The following ASIC2 variants were observed in gnomAD, a reference collection of about 807,000 sequenced individuals.
ASIC2 encodes the protein acid sensing ion channel subunit 2.
In ASIC2, 25 loss-of-function variants were observed where a neutral mutation model predicts 57.3. The ratio of observed to expected loss-of-function variants is 0.44; its 90% CI spans 0.32 to 0.61. ASIC2 has a LOEUF of 0.61. Among genes scored for constraint, ASIC2 ranks in the 20% least tolerant of loss-of-function variants. The pLI, the probability that ASIC2 is intolerant of heterozygous loss-of-function variation, is 0.06. For missense variants in ASIC2, 641 were observed against 738.1 expected (o/e 0.87, Z 1.52); for synonymous variants, 319 against 307.5 (o/e 1.04, Z -0.39).
chr17:33,709,293 G>A (rs1208427469), intron 1 of ASIC2, among the ~76,000 whole-genome samples: 2 of 152,194 alleles, frequency 1.3e-5, no homozygotes, highest in Admixed American at 1.3e-4. Context: ...TCCCACAGAA[G>A]ATATCCATGT....
intron 1 of ASIC2, among the ~76,000 whole-genome samples, chr17:33,417,808 TGTGG>T (rs1910902075): frequency 6.6e-6 from 1 of 152,182 alleles, no homozygotes; most frequent in Non-Finnish European, 1.5e-5. Flanking sequence ...GGAAGTCCTC[TGTGG>T]GTGAAGAGTC....
intron 1 of ASIC2, among the ~76,000 whole-genome samples, chr17:34,097,127 C>T (rs1567819542): frequency 6.6e-6 from 1 of 152,122 alleles, no homozygotes; most frequent in Non-Finnish European, 1.5e-5. Flanking sequence ...ATATTTTCTG[C>T]TCCTTTGTTA....
chr17:33,790,981 T>C (rs531884729), intron 1 of ASIC2, among the ~76,000 whole-genome samples: 2 of 152,284 alleles, frequency 1.3e-5, no homozygotes, highest in East Asian at 3.9e-4. Context: ...AGTGATCATA[T>C]AGCCAGTCAG....
Position 33,240,645 on chromosome 17 carries a change from G to A in ASIC2, c.708+50763C>T, listed in dbSNP as rs187069378. On this transcript the variant is annotated intron_variant, in intron 1 of 9. Transcript: ENST00000225823. Reference sequence around the variant, plus strand: ...TGCCTGTGGGGCCATAACAGGCAACGAGAGGCTGTCAGCATCCCTACCCCA... The same window carrying A: ...TGCCTGTGGGGCCATAACAGGCAACAAGAGGCTGTCAGCATCCCTACCCCA... 6.4e-4 allele frequency among the ~76,000 whole-genome samples: 98 copies of A among 152,282 alleles called. 1 individual carries two copies. The highest frequency in any genetic ancestry group is 2.2e-3 in the African/African-American group (91 of 41,564).
intron 1 of ASIC2, among the ~76,000 whole-genome samples, chr17:34,153,061 G>A (rs1042892918): frequency 2.0e-5 from 3 of 152,148 alleles, no homozygotes; most frequent in African/African-American, 4.8e-5. Context: ...TTTACCCTCC[G>A]CAGACAGCCT....
At chr17:34,111,389 A>G (rs1911269162) in intron 1 of ASIC2, among the ~76,000 whole-genome samples, 1 of 151,246 alleles carries the variant, frequency 6.6e-6, no homozygotes, top group East Asian at 1.9e-4. Flanking sequence ...GCAAAACAGT[A>G]CTTTTATACA....
In ASIC2 at chr17:33,996,855, A is replaced by G. The variant is rs191150978; in HGVS notation, c.555+159123T>C. Among the ~76,000 whole-genome samples, 33 of 152,324 alleles carry G rather than the reference A, an allele frequency of 2.2e-4. No homozygotes were observed. In the East Asian group the frequency reaches 3.5e-3, roughly 16 times the overall value. ...GCCATTCAGGGTCTTCTGTGGCTCC[A>G]TGTAAATTTTAGGGTTGTTTGTTCT... is the stretch of plus-strand genomic sequence containing the variant. On this transcript the variant is annotated intron_variant, in intron 1 of 9. Coordinates refer to the ASIC2 transcript ENST00000359872.
chr17:34,063,457 A>G (rs1048849992), intron 1 of ASIC2, among the ~76,000 whole-genome samples: 23 of 152,194 alleles, frequency 1.5e-4, no homozygotes, highest in African/African-American at 5.1e-4. Flanking sequence ...GAGAACTGGA[A>G]CAAGCCAAGG....
At chr17:33,802,526 G>A (rs547487806) in intron 1 of ASIC2, among the ~76,000 whole-genome samples, 21 of 152,300 alleles carry the variant, frequency 1.4e-4, no homozygotes, top group Admixed American at 7.8e-4. Context: ...AAGGTGGACC[G>A]AGAGTCATCT....
At chr17:33,789,599 TA>T (rs1157947691) in intron 1 of ASIC2, among the ~76,000 whole-genome samples, 1 of 152,146 alleles carries the variant, frequency 6.6e-6, no homozygotes, top group Non-Finnish European at 1.5e-5. Flanking sequence ...TATATTTTGA[TA>T]ACATTTGCAA....
At chr17:33,987,058 G>A (rs989131973) in intron 1 of ASIC2, among the ~76,000 whole-genome samples, 2 of 152,120 alleles carry the variant, frequency 1.3e-5, no homozygotes, top group Non-Finnish European at 2.9e-5. Context: ...CATGCATTAA[G>A]GCTTTTAATT....
At chr17:33,255,425 C>T (rs141020927) in intron 1 of ASIC2, among the ~76,000 whole-genome samples, 39 of 152,102 alleles carry the variant, frequency 2.6e-4, no homozygotes, top group African/African-American at 7.7e-4. Context: ...TCTGTTGACA[C>T]GCGATAAGGT....
intron 1 of ASIC2, among the ~76,000 whole-genome samples, chr17:33,537,871 A>G (rs1915284424): frequency 6.6e-6 from 1 of 152,212 alleles, no homozygotes; most frequent in African/African-American, 2.4e-5. Context: ...AGGAGGGGCA[A>G]TAGGAACAGG....
At chr17:33,921,736 G>A (rs2141965401) in intron 1 of ASIC2, among the ~76,000 whole-genome samples, 1 of 152,278 alleles carries the variant, frequency 6.6e-6, no homozygotes, top group East Asian at 1.9e-4. Flanking sequence ...ATTTAGATGG[G>A]GAGTTACGAC....
chr17:33,624,590 G>C (rs949554315), intron 1 of ASIC2, among the ~76,000 whole-genome samples: 12 of 152,234 alleles, frequency 7.9e-5, no homozygotes, highest in African/African-American at 2.7e-4. Flanking sequence ...ACTGATGCTG[G>C]AGAAGGAGCG....
At chr17:33,300,598 T>G (rs1000103032) in intron 1 of ASIC2, among the ~76,000 whole-genome samples, 1 of 152,254 alleles carries the variant, frequency 6.6e-6, no homozygotes, top group East Asian at 1.9e-4. Flanking sequence ...TGTTGTGTAT[T>G]TGCATAAGAT....
chr17:33,199,154 C>T (rs982410766), intron 1 of ASIC2, among the ~76,000 whole-genome samples: 4 of 152,164 alleles, frequency 2.6e-5, no homozygotes, highest in Non-Finnish European at 5.9e-5. Flanking sequence ...ATAACCATTT[C>T]GGGCATCAAA....
intron 5 of ASIC2, among the ~76,000 whole-genome samples, chr17:33,025,321 A>G (rs931433982): frequency 4.6e-5 from 7 of 152,128 alleles, no homozygotes; most frequent in Admixed American, 4.6e-4. Context: ...CCAGCTGGGG[A>G]ACCAGCAGAG....
chr17:34,098,792 A>G (rs2142095771), intron 1 of ASIC2, among the ~76,000 whole-genome samples: 1 of 152,258 alleles, frequency 6.6e-6, no homozygotes, highest in African/African-American at 2.4e-5. Context: ...TTTTTCTCTT[A>G]TGAAACCTCT....
Sources: allele counts gnomAD v4.1 joint callset (sites outside exome capture counted in the v4.1 genomes callset), GRCh38; gene constraint gnomAD v4.1.1; transcripts MANE v1.5; gene names NCBI Gene and HGNC (gene_info 2026-07-23, HGNC 2026-07-21).